Variants in TCF7L2 observed in about 807,000 individuals in gnomAD.
TCF7L2 encodes the protein transcription factor 7-like 2.
In TCF7L2, 23 loss-of-function variants were observed where a neutral mutation model predicts 77.9. That is an observed-to-expected ratio of 0.30 (90% CI 0.21 to 0.42). The LOEUF (loss-of-function observed/expected upper bound fraction) is 0.42. Among genes scored for constraint, TCF7L2 ranks in the 10% least tolerant of loss-of-function variants. The probability of loss-of-function intolerance (pLI) is 1.00; values close to 1 mark genes in which losing one functional copy is unlikely to be tolerated. For synonymous variants in TCF7L2, 413 were observed against 340.2 expected (o/e 1.21, Z -2.36); for missense variants, 654 against 793.1 (o/e 0.82, Z 2.11).
At chr10:112,985,860 T>TTGTGTG (rs61481377) in intron 4 of TCF7L2, among the ~76,000 whole-genome samples, 2,022 of 146,680 alleles carry the variant, frequency 0.014, 29 homozygotes, top group African/African-American at 0.033. Context: ...AGCCTGTAGT[T>TTGTGTG]TGTGTGTGTG....
intron 4 of TCF7L2, among the ~76,000 whole-genome samples, chr10:113,032,624 G>A (rs1026201011): frequency 6.6e-6 from 1 of 152,182 alleles, no homozygotes; most frequent in African/African-American, 2.4e-5. Context: ...AGAAAACTGG[G>A]AAAGATAGAA....
intron 7 of TCF7L2, among the ~76,000 whole-genome samples, chr10:113,145,687 A>G (rs543427848): frequency 6.6e-6 from 1 of 152,322 alleles, no homozygotes; most frequent in South Asian, 2.1e-4. Flanking sequence ...GTAGCCCTCA[A>G]TTAGTGTGAT....
intron 11 of TCF7L2, among the ~76,000 whole-genome samples, chr10:113,152,971 G>A (rs933834047): frequency 6.6e-5 from 10 of 152,206 alleles, no homozygotes; most frequent in South Asian, 2.1e-4. Context: ...CATCCTGAGA[G>A]GAGCATGATG....
At chr10:112,963,761 ATGGG>A in intron 3 of TCF7L2, among the ~76,000 whole-genome samples, 1 of 152,276 alleles carries the variant, frequency 6.6e-6, no homozygotes. Flanking sequence ...TGCTTCATTG[ATGGG>A]TGGTCTCTAG....
Position 113,038,217 on chromosome 10 carries a change from C to T in TCF7L2, c.451-1808C>T, listed in dbSNP as rs188146563. 7.4e-4 allele frequency among the ~76,000 whole-genome samples: 112 copies of T among 152,070 alleles called. No homozygotes were observed. In the East Asian group the frequency reaches 0.016, roughly 22 times the overall value. On this transcript the variant is annotated intron_variant, in intron 4 of 13. Coordinates refer to ENST00000627217, the MANE Select transcript of TCF7L2 (RefSeq NM_001146274.2). ...TTGGGGCAGACTCCCCACCTAATACCCTGTCGCAGATAGGACAACTCATTC... is the reference window on the plus strand; with the variant it reads ...TTGGGGCAGACTCCCCACCTAATACTCTGTCGCAGATAGGACAACTCATTC...
chr10:113,164,865 G>A (rs1312529770), intron 13 of TCF7L2, among the ~76,000 whole-genome samples: 2 of 151,896 alleles, frequency 1.3e-5, no homozygotes, highest in Non-Finnish European at 2.9e-5. Flanking sequence ...GATTTGGTGT[G>A]GTTCTTAACA....
chr10:112,960,228 GT>G (rs1294587014), intron 3 of TCF7L2, among the ~76,000 whole-genome samples: 3 of 152,150 alleles, frequency 2.0e-5, no homozygotes. Context: ...TATCTCTGAT[GT>G]TTTGCATATC....
intron 4 of TCF7L2, among the ~76,000 whole-genome samples, chr10:112,997,307 T>C (rs1306700643): frequency 1.3e-5 from 2 of 152,170 alleles, no homozygotes; most frequent in African/African-American, 4.8e-5. Flanking sequence ...GTGGAAAAAG[T>C]TTGCTTGTCT....
chr10:113,164,401 C>T (rs2073713922), intron 13 of TCF7L2, among the ~76,000 whole-genome samples: 1 of 152,108 alleles, frequency 6.6e-6, no homozygotes, highest in Admixed American at 6.5e-5. Context: ...ATAACCCAAA[C>T]CCAGGAAGGT....
At chr10:113,161,291 G>T in intron 13 of TCF7L2, 1 of 464,866 alleles carries the variant, frequency 2.2e-6, no homozygotes, top group Non-Finnish European at 3.9e-6. Flanking sequence ...AGGGCTGCAA[G>T]CAGTGAGTCA....
intron 5 of TCF7L2, chr10:113,127,163 AC>A (rs1179779852): frequency 6.5e-6 from 1 of 152,856 alleles, no homozygotes; most frequent in East Asian, 1.9e-4. Context: ...ACCTCCCCCC[AC>A]CCCGAATTTC....
chr10:113,157,990 G>T, intron 11 of TCF7L2, 31 bp from the exon 12 acceptor site: 5 of 1,566,350 alleles, frequency 3.2e-6, no homozygotes, highest in Non-Finnish European at 4.3e-6. Flanking sequence ...GTTTCTTGCA[G>T]TAATTCCCTG....
At chr10:113,123,921 A>G (rs558148555) in intron 5 of TCF7L2, among the ~76,000 whole-genome samples, 2 of 152,318 alleles carry the variant, frequency 1.3e-5, no homozygotes, top group Admixed American at 6.5e-5. Context: ...CTATTCCAAA[A>G]ACTTGTTGGA....
chr10:112,951,485 G>A lies in TCF7L2; in HGVS notation c.259G>A (p.Ala87Thr), dbSNP rs2134204609. 2 of 1,430,264 alleles carry A rather than the reference G, an allele frequency of 1.4e-6. No homozygotes were observed. Among genetic ancestry groups the A allele is most frequent in the African/African-American group, 1.5e-5 (1 of 66,478 alleles). 88.6% of individuals were successfully genotyped at this position (1,430,264 alleles called of 1,614,324 possible). A position where few individuals can be genotyped will look rare whatever the true frequency, so the allele number is the denominator to read the frequency against. Residue 87 changes from alanine (A) to threonine (T), a missense_variant and splice_region_variant, in exon 3 of 14, where the codon GCC becomes ACC. Around this residue, in one of 6 missense-constraint regions of TCF7L2, gnomAD observed 132 missense variants for 123.7 expected, o/e 1.07. Coordinates refer to ENST00000627217, the MANE Select transcript of TCF7L2 (RefSeq NM_001146274.2). ...CCCTCGCCGCCCCGCCATGTTAGCG[G>A]CCAAGAGGCAAGATGGAGGGCTCTT... is the stretch of plus-strand genomic sequence containing the variant.
intron 5 of TCF7L2, among the ~76,000 whole-genome samples, chr10:113,068,271 C>T (rs1005461130): frequency 6.6e-6 from 1 of 152,154 alleles, no homozygotes; most frequent in Admixed American, 6.5e-5. Flanking sequence ...ACTTTTTGGA[C>T]AAAAAGGCTG....
chr10:113,150,980 C>T lies in TCF7L2; in HGVS notation c.876-18C>T, dbSNP rs2137125665. ...TTCATTTTGATTCTGACGATTTACA[C>T]AGCTTTCTGTCTTCTAGGTTCCCTC... On this transcript the variant is annotated intron_variant, in intron 8 of 13. Coordinates refer to ENST00000627217, the MANE Select transcript of TCF7L2 (RefSeq NM_001146274.2). 6.2e-7 allele frequency: 1 copy of T among 1,613,534 alleles called. No individual in the cohort carries two copies. Among genetic ancestry groups the T allele is most frequent in the Non-Finnish European group, 8.5e-7 (1 of 1,179,866 alleles).
At chr10:112,986,539 T>C (rs1564747171) in intron 4 of TCF7L2, among the ~76,000 whole-genome samples, 1 of 152,168 alleles carries the variant, frequency 6.6e-6, no homozygotes, top group Non-Finnish European at 1.5e-5. Flanking sequence ...GTCAATCTAG[T>C]TTAATTTATT....
intron 5 of TCF7L2, among the ~76,000 whole-genome samples, chr10:113,050,427 C>G (rs955979963): frequency 3.3e-5 from 5 of 152,142 alleles, no homozygotes; most frequent in African/African-American, 1.2e-4. Flanking sequence ...ACCTCTGACT[C>G]TTCCTGGAAA....
intron 8 of TCF7L2, among the ~76,000 whole-genome samples, chr10:113,148,427 A>G (rs551373438): frequency 2.0e-5 from 3 of 152,218 alleles, no homozygotes; most frequent in Non-Finnish European, 4.4e-5. Context: ...GGGGAAAATG[A>G]GAGAATAATG....
Sources: allele counts gnomAD v4.1 joint callset (sites outside exome capture counted in the v4.1 genomes callset), GRCh38; gene constraint gnomAD v4.1.1; regional missense constraint gnomAD v4.1.1; transcripts MANE v1.5; gene names NCBI Gene and HGNC (gene_info 2026-07-23, HGNC 2026-07-21).